The following GUCY1B1 variants were observed in gnomAD, a reference collection of about 807,000 sequenced individuals.
GUCY1B1 encodes guanylate cyclase soluble subunit beta-1.
Under a neutral mutation model 71.0 loss-of-function variants are expected in GUCY1B1, and 43 were observed. That is an observed-to-expected ratio of 0.61 (90% CI 0.47 to 0.78). The LOEUF is 0.78. Among genes scored for constraint, GUCY1B1 ranks in the 30% least tolerant of loss-of-function variants. GUCY1B1 has a pLI of 0.00. For missense variants in GUCY1B1, 535 were observed against 754.1 expected, an observed-to-expected ratio of 0.71 and a Z score of 3.40; for synonymous variants, 266 against 259.7, an observed-to-expected ratio of 1.02 and a Z score of -0.23.
intron 4 of GUCY1B1, among the ~76,000 whole-genome samples, chr4:155,782,331 C>T (rs1386913367): frequency 1.3e-5 from 2 of 152,118 alleles, no homozygotes; most frequent in Non-Finnish European, 2.9e-5. Context: ...CCTCGTGATC[C>T]GCCCGCCTCG....
Position 155,772,866 on chromosome 4 carries a change from A to C in GUCY1B1, c.78-2102A>C, listed in dbSNP as rs140971685. 4.0e-3 allele frequency: 2,767 copies of C among 694,590 alleles called. 14 individuals carry two copies. The highest frequency in any genetic ancestry group is 5.8e-3 in the Non-Finnish European group (2,210 of 381,096). The allele number at this position is 694,590 out of a possible 1,614,324, so 43.0% of individuals were successfully genotyped here. A position where few individuals can be genotyped will look rare whatever the true frequency, so the allele number is the denominator to read the frequency against. ...AAGTTATGAATAAATGCAGGCAAAT[A>C]AATTATAAGCTCTGAAGGACAGAGG... On this transcript the variant is annotated intron_variant, in intron 2 of 13. Coordinates refer to ENST00000264424, the MANE Select transcript of GUCY1B1 (RefSeq NM_000857.5).
chr4:155,786,607 T>C (rs564663783), intron 4 of GUCY1B1, among the ~76,000 whole-genome samples: 24 of 151,526 alleles, frequency 1.6e-4, no homozygotes, highest in East Asian at 3.9e-4. Context: ...GTGGCTGGGA[T>C]TACAGGCACC....
rs1409168858 is a variant in GUCY1B1, at chr4:155,802,544, C to T, written c.1378C>T (p.Leu460=). 6.2e-7 allele frequency: 1 copy of T among 1,610,298 alleles called. No homozygotes were observed. Among genetic ancestry groups the T allele is most frequent in the Admixed American group, 1.7e-5 (1 of 59,648 alleles). The change falls in exon 10 of 14, where the codon CTG becomes TTG. Residue 460 remains leucine (L), a synonymous_variant. Transcript: ENST00000264424. This position sits in a 1 kb window ranked among gnomAD's most constrained non-coding sequence, Gnocchi z 4.3. ...LNDLYTRFDT[L]TDSRKNPFVY... The stretch of plus-strand genomic sequence containing the variant: ...CGACCTCTACACCAGATTTGACACA[C>T]TGACTGATTCCCGGAAAAACCCATT...
Position 155,793,914 on chromosome 4 carries a change from A to G in GUCY1B1, c.554A>G (p.Glu185Gly). ...ACTCAATTTTTAATTGAAGAAAAAG[A>G]GTCAAAAGAAGAGGATTTTTATGAA... The part of the protein sequence containing the change: ...DHTQFLIEEK[E>G]SKEEDFYEDL... Residue 185 changes from glutamate to glycine, a missense_variant, in exon 6 of 14, where the codon GAG becomes GGG. Coordinates refer to ENST00000264424, the MANE Select transcript of GUCY1B1 (RefSeq NM_000857.5). 6.3e-7 allele frequency: 1 copy of G among 1,590,220 alleles called. No homozygotes were observed.
At chr4:155,794,697 T>C (rs1284807622) in intron 6 of GUCY1B1, among the ~76,000 whole-genome samples, 1 of 152,196 alleles carries the variant, frequency 6.6e-6, no homozygotes, top group East Asian at 1.9e-4. Flanking sequence ...TTGCTTGTAA[T>C]TAAAGAGACT....
At chr4:155,796,722 C>G (rs762495088) in intron 8 of GUCY1B1, among the ~76,000 whole-genome samples, 1 of 152,044 alleles carries the variant, frequency 6.6e-6, no homozygotes, top group Non-Finnish European at 1.5e-5. Flanking sequence ...TGTTATTTGC[C>G]ATGTCTTAAT....
At position 155,759,805 on chromosome 4, in the gene GUCY1B1, G is replaced by C. The variant is rs756138487; in HGVS notation, c.22G>C (p.Ala8Pro). ...CCCGCAGTACGGATTTGTGAATCAC[G>C]CCCTGGAGTTGCTGGTGATCCGCAA... MYGFVNH[A>P]LELLVIRNYG... The change falls in exon 2 of 14, where the codon GCC (alanine) becomes CCC (proline). Residue 8 changes from alanine to proline, a missense_variant. By Grantham distance (27) the Ala-to-Pro change is conservative. Transcript: ENST00000264424. 3 of 1,612,842 alleles carry C rather than the reference G, an allele frequency of 1.9e-6. No individual in the cohort carries two copies. Among genetic ancestry groups the C allele is most frequent in the Admixed American group, 3.3e-5 (2 of 59,978 alleles).
chr4:155,777,472 C>T (rs1322193293), intron 3 of GUCY1B1, 52 bp from the exon 4 acceptor site: 5 of 918,212 alleles, frequency 5.4e-6, no homozygotes, highest in Non-Finnish European at 7.2e-6. Context: ...TTTCTATTAA[C>T]AATATTTCAC....
intron 4 of GUCY1B1, among the ~76,000 whole-genome samples, chr4:155,779,996 G>A (rs892316454): frequency 1.3e-5 from 2 of 152,052 alleles, no homozygotes; most frequent in Non-Finnish European, 2.9e-5. Context: ...CTTTGGGAGA[G>A]TCTACCATTA....
intron 5 of GUCY1B1, among the ~76,000 whole-genome samples, chr4:155,791,396 T>C (rs1265550346): frequency 1.4e-5 from 2 of 143,898 alleles, no homozygotes; most frequent in Admixed American, 6.9e-5. Context: ...ATTACAGGCG[T>C]GAGCCACCGC....
At chr4:155,793,672 A>G (rs1739336723) in intron 5 of GUCY1B1, among the ~76,000 whole-genome samples, 184 bp from the exon 6 acceptor site, 1 of 152,160 alleles carries the variant, frequency 6.6e-6, no homozygotes, top group African/African-American at 2.4e-5. Flanking sequence ...TCAATCTTCA[A>G]ATTTTATAGA....
In GUCY1B1 at chr4:155,789,864, A is replaced by G; in HGVS notation, c.448A>G (p.Ile150Val). The G allele has an allele frequency of 3.1e-6, 5 of 1,613,264 alleles. No homozygotes were observed. Among genetic ancestry groups the G allele is most frequent in the Non-Finnish European group, 4.2e-6 (5 of 1,179,416 alleles). ...EGLQDIVIGI[I>V]KTVAQQIHGT... ...ACTTCAGGATATTGTCATTGGAATC[A>G]TCAAAACAGTGGCACAACAAATCCA... The change falls in exon 5 of 14, where the codon ATC becomes GTC. Residue 150 changes from isoleucine to valine, a missense_variant. Transcript: ENST00000264424.
chr4:155,775,064 C>T lies in GUCY1B1; in HGVS notation c.174C>T (p.Val58=). 1.3e-6 allele frequency: 2 copies of T among 1,545,742 alleles called. No individual in the cohort carries two copies. Among genetic ancestry groups the T allele is most frequent in the Non-Finnish European group, 1.8e-6 (2 of 1,118,334 alleles). Residue 58 remains valine, a synonymous_variant, in exon 3 of 14, where the codon GTC becomes GTT. Coordinates refer to ENST00000264424, the MANE Select transcript of GUCY1B1 (RefSeq NM_000857.5). ...ATTTGGTTGCTGCTGCAAGCAAAGT[C>T]CTCAGTAAGTTGAATGCAACTTTCC... ...TYDLVAAASK[V]LNLNAGEILQ...
At position 155,759,021 on chromosome 4, in the gene GUCY1B1, G is replaced by A. The variant is rs189024414; in HGVS notation, c.-120G>A. 2 of 1,132,940 alleles carry A rather than the reference G, an allele frequency of 1.8e-6. No homozygotes were observed. Among genetic ancestry groups the A allele is most frequent in the Admixed American group, 4.0e-5 (2 of 50,354 alleles). The allele number at this position is 1,132,940 out of a possible 1,614,324, so 70.2% of individuals were successfully genotyped here. On this transcript the variant is annotated 5_prime_UTR_variant, in exon 1 of 14. Coordinates refer to ENST00000264424, the MANE Select transcript of GUCY1B1 (RefSeq NM_000857.5). ...AGGGCGGGCCAAGGCGGCTGTTCTC[G>A]CTCCAGCTCGATGCTGCCTCCCCGG...
chr4:155,772,297 T>C (rs1056394115), intron 2 of GUCY1B1, among the ~76,000 whole-genome samples: 2 of 152,226 alleles, frequency 1.3e-5, no homozygotes, highest in Admixed American at 1.3e-4. Context: ...ACTGGGAATA[T>C]GTATAGTACT....
chr4:155,773,832 C>T (rs1436922207), intron 2 of GUCY1B1, among the ~76,000 whole-genome samples: 2 of 152,160 alleles, frequency 1.3e-5, no homozygotes, highest in South Asian at 2.1e-4. Context: ...GGACTACAGG[C>T]ACCCGCCACC....
intron 4 of GUCY1B1, among the ~76,000 whole-genome samples, chr4:155,779,558 G>GT (rs1222354535): frequency 6.6e-6 from 1 of 152,038 alleles, no homozygotes; most frequent in East Asian, 1.9e-4. Context: ...AAACTAGAAA[G>GT]TTAGAATACT....
rs754321069 is a variant in GUCY1B1 at position 155,789,697 on chromosome 4, T to C, written c.298-17T>C. On this transcript the variant is annotated splice_polypyrimidine_tract_variant and intron_variant, in intron 4 of 13. Coordinates refer to ENST00000264424, the MANE Select transcript of GUCY1B1 (RefSeq NM_000857.5). ...CGAAAGCATTGTTTATTGGTCTCCC[T>C]TTCTTCTTTGCTGCAGAACCTTGAT... 2 of 1,502,390 alleles carry C rather than the reference T, an allele frequency of 1.3e-6. No individual in the cohort carries two copies. Among genetic ancestry groups the C allele is most frequent in the East Asian group, 2.3e-5 (1 of 44,310 alleles). 93.1% of individuals were successfully genotyped at this position (1,502,390 alleles called of 1,614,324 possible). A position where few individuals can be genotyped will look rare whatever the true frequency, so the allele number is the denominator to read the frequency against.
At position 155,789,892 on chromosome 4, in the gene GUCY1B1, G is replaced by T; in HGVS notation, c.476G>T (p.Gly159Val). 1 of 1,609,326 alleles carries T rather than the reference G, an allele frequency of 6.2e-7. No homozygotes were observed. Among genetic ancestry groups the T allele is most frequent in the Non-Finnish European group, 8.5e-7 (1 of 1,176,416 alleles). The part of the protein sequence containing the change: ...IIKTVAQQIH[G>V]TEIDMKVIQQ... ...AAAACAGTGGCACAACAAATCCATGGCACTGAAATAGACATGAAGGTAACA... is the reference window on the plus strand; with the variant it reads ...AAAACAGTGGCACAACAAATCCATGTCACTGAAATAGACATGAAGGTAACA... The change falls in exon 5 of 14, where the codon GGC becomes GTC. Residue 159 changes from glycine (G) to valine (V), a missense_variant. By Grantham distance (109) the Gly-to-Val change is moderately radical. Coordinates refer to ENST00000264424, the MANE Select transcript of GUCY1B1 (RefSeq NM_000857.5).
Sources: allele counts gnomAD v4.1 joint callset (sites outside exome capture counted in the v4.1 genomes callset), GRCh38; gene constraint gnomAD v4.1.1; non-coding constraint Gnocchi (gnomAD v3.1); transcripts MANE v1.5; gene names NCBI Gene and HGNC (gene_info 2026-07-23, HGNC 2026-07-21).